The following DNAH3 variants were observed in gnomAD, a reference collection of about 807,000 sequenced individuals.
The protein encoded by DNAH3 is dynein axonemal heavy chain 3.
Under a neutral mutation model 432.5 loss-of-function variants are expected in DNAH3, and 332 were observed. The ratio of observed to expected loss-of-function variants is 0.77; its 90% CI spans 0.70 to 0.84. The LOEUF is 0.84. DNAH3 is among the 40% of genes least tolerant of loss of function. The pLI, the probability that DNAH3 is intolerant of heterozygous loss-of-function variation, is 0.00. For synonymous variants in DNAH3, 1,956 were observed against 1,900.2 expected (o/e 1.03, Z -0.76); for missense variants, 4,861 against 5,114.0 (o/e 0.95, Z 1.51).
At chr16:20,976,560 G>C (rs897037665) in intron 50 of DNAH3, among the ~76,000 whole-genome samples, 2 of 152,166 alleles carry the variant, frequency 1.3e-5, no homozygotes, top group Non-Finnish European at 2.9e-5. Flanking sequence ...TGAGATAGAA[G>C]GTACTTTCAA....
exon 3 of DNAH3, chr16:21,145,376 A>G: frequency 1.2e-6 from 2 of 1,614,180 alleles, no homozygotes; most frequent in East Asian, 2.2e-5. Context: ...CGTTGCATCA[A>G]GGGCGGGTAA....
chr16:20,994,752 T>G (rs564233540), intron 44 of DNAH3, among the ~76,000 whole-genome samples: 1 of 152,340 alleles, frequency 6.6e-6, no homozygotes, highest in East Asian at 1.9e-4. Context: ...AGTATTTGCC[T>G]TTTTGTGAAT....
At chr16:21,098,895 C>A in intron 16 of DNAH3, 126 bp from the exon 17 acceptor site, 8 of 891,480 alleles carry the variant, frequency 9.0e-6, no homozygotes, top group Non-Finnish European at 1.4e-5. Flanking sequence ...TTTCCTCCCC[C>A]AATACTCCCA....
At chr16:20,979,308 G>A (rs778391817) in intron 50 of DNAH3, 22 bp downstream of exon 50, 2 of 1,612,076 alleles carry the variant, frequency 1.2e-6, no homozygotes, top group Non-Finnish European at 1.7e-6. Context: ...CTTTGTCTCT[G>A]TTCTGTTTTG....
chr16:21,073,889 T>C (rs1339698313), intron 21 of DNAH3, among the ~76,000 whole-genome samples: 1 of 152,178 alleles, frequency 6.6e-6, no homozygotes, highest in East Asian at 1.9e-4. Flanking sequence ...CTTGCTAGGC[T>C]TCCCATGGAG....
chr16:20,988,132 A>T, intron 44 of DNAH3, 67 bp from the exon 45 acceptor site: 1 of 1,592,724 alleles, frequency 6.3e-7, no homozygotes, highest in South Asian at 1.1e-5. Flanking sequence ...CTGTGACCCT[A>T]GGATGCACAC....
intron 53 of DNAH3, among the ~76,000 whole-genome samples, chr16:20,962,407 C>G (rs376409372): frequency 7.2e-5 from 11 of 152,178 alleles, no homozygotes; most frequent in African/African-American, 2.2e-4. Context: ...CTTCTTTAAA[C>G]TCCCCAGGTG....
At chr16:20,963,249 C>T in intron 53 of DNAH3, 35 bp downstream of exon 53, 1 of 1,590,752 alleles carries the variant, frequency 6.3e-7, no homozygotes, top group Non-Finnish European at 8.6e-7. Context: ...ACATACTGGG[C>T]TTTCCACGTC....
intron 9 of DNAH3, among the ~76,000 whole-genome samples, chr16:21,124,930 G>A (rs1387049457): frequency 4.6e-5 from 7 of 152,048 alleles, no homozygotes; most frequent in African/African-American, 9.7e-5. Context: ...GATTACAGAC[G>A]TGGCCTGTAA....
chr16:21,075,686 G>A, intron 20 of DNAH3, 125 bp from the exon 21 acceptor site: 5 of 746,410 alleles, frequency 6.7e-6, no homozygotes, highest in Non-Finnish European at 1.2e-5. Context: ...GCCGAGGAGG[G>A]AAGATTGCTT....
intron 22 of DNAH3, among the ~76,000 whole-genome samples, chr16:21,069,828 G>A (rs2090717382): frequency 6.6e-6 from 1 of 152,156 alleles, no homozygotes; most frequent in South Asian, 2.1e-4. Context: ...CGTCCTAGCA[G>A]AATAATTACA....
intron 3 of DNAH3, among the ~76,000 whole-genome samples, chr16:21,144,280 C>A (rs1434423710): frequency 6.6e-6 from 1 of 152,122 alleles, no homozygotes; most frequent in Non-Finnish European, 1.5e-5. Context: ...GATGTCACTT[C>A]CAAGATTAAG....
intron 41 of DNAH3, among the ~76,000 whole-genome samples, chr16:21,018,105 C>T (rs1445869491): frequency 6.6e-6 from 1 of 151,834 alleles, no homozygotes; most frequent in African/African-American, 2.4e-5. Flanking sequence ...TATATTTTTC[C>T]TTTGATATAA....
At chr16:21,079,264 C>T (rs1292530183) in intron 20 of DNAH3, among the ~76,000 whole-genome samples, 1 of 152,118 alleles carries the variant, frequency 6.6e-6, no homozygotes, top group Non-Finnish European at 1.5e-5. Context: ...AAGTTTATTT[C>T]CTCATCTGTA....
chr16:20,964,689 G>A, exon 53 of DNAH3: 2 of 1,614,174 alleles, frequency 1.2e-6, no homozygotes, highest in Non-Finnish European at 1.7e-6. Flanking sequence ...CATTGTCGAT[G>A]GAGAAGGAGT....
At chr16:21,117,048 T>G (rs1046878810) in intron 12 of DNAH3, among the ~76,000 whole-genome samples, 155 bp downstream of exon 12, 1 of 152,148 alleles carries the variant, frequency 6.6e-6, no homozygotes, top group Admixed American at 6.6e-5. Flanking sequence ...ATTTGTAAAG[T>G]GGGAATAAAT....
chr16:21,062,672 A>G (rs202134759), exon 25 of DNAH3: 1 of 1,612,626 alleles, frequency 6.2e-7, no homozygotes, highest in Non-Finnish European at 8.5e-7. Flanking sequence ...ATCGTTTGAT[A>G]GGAAGAAGAA....
Position 21,000,373 on chromosome 16 carries a change from AG to A in DNAH3, c.6271del (p.Leu2091PhefsTer42). 6.2e-7 allele frequency: 1 copy of A among 1,614,122 alleles called. No homozygotes were observed. Among genetic ancestry groups the A allele is most frequent in the Non-Finnish European group, 8.5e-7 (1 of 1,180,016 alleles). ...GTTGGGTAGGTACGTATTTTTGGGA[AG>A]GTGGAGAAGGAAGTTGTTGGTGATG... is the stretch of plus-strand genomic sequence containing the variant. On this transcript the variant is annotated frameshift_variant, in exon 43 of 62. Coordinates refer to ENST00000261383, the Ensembl canonical transcript of DNAH3. LOFTEE classifies it high-confidence loss of function.
At chr16:21,133,058 A>C (rs1212413626) in intron 7 of DNAH3, among the ~76,000 whole-genome samples, 1 of 152,070 alleles carries the variant, frequency 6.6e-6, no homozygotes, top group Non-Finnish European at 1.5e-5. Flanking sequence ...AGTTACATAA[A>C]GGAATAAGAC....
Sources: allele counts gnomAD v4.1 joint callset (sites outside exome capture counted in the v4.1 genomes callset), GRCh38; gene constraint gnomAD v4.1.1; transcripts MANE v1.5; gene names NCBI Gene and HGNC (gene_info 2026-07-23, HGNC 2026-07-21).